Variants in TMEM68 observed in about 807,000 individuals in gnomAD.
The protein encoded by TMEM68 is DGAT1/2-independent enzyme synthesizing storage lipids.
TMEM68 carries 25 observed loss-of-function variants against 36.9 expected under a neutral mutation model. The observed-to-expected ratio is 0.68, with a 90% CI of 0.49 to 0.95. The LOEUF is 0.95. TMEM68 is among the 40% of genes least tolerant of loss of function. The pLI is 0.00. For missense variants in TMEM68, 333 were observed against 392.0 expected (o/e 0.85, Z 1.27); for synonymous variants, 131 against 124.4 (o/e 1.05, Z -0.35).
At chr8:55,758,079 G>A (rs754615029) in intron 3 of TMEM68, among the ~76,000 whole-genome samples, 5 of 152,154 alleles carry the variant, frequency 3.3e-5, no homozygotes, top group Non-Finnish European at 7.3e-5. Flanking sequence ...TCCTGGGGTC[G>A]CAGGAGGGGC....
chr8:55,749,229 G>A (rs577594769), intron 5 of TMEM68, among the ~76,000 whole-genome samples: 8 of 152,138 alleles, frequency 5.3e-5, no homozygotes, highest in African/African-American at 1.9e-4. Flanking sequence ...AAACCAGGGT[G>A]ATTTGTATTA....
intron 1 of TMEM68, among the ~76,000 whole-genome samples, chr8:55,769,018 TAAAAA>T (rs200493179): frequency 2.9e-4 from 24 of 82,090 alleles, no homozygotes; most frequent in East Asian, 2.8e-3. Flanking sequence ...ACTCTGTCTT[TAAAAA>T]AAAAAAAAAA....
intron 3 of TMEM68, among the ~76,000 whole-genome samples, chr8:55,759,298 C>T (rs1002728010): frequency 6.6e-6 from 1 of 151,138 alleles, no homozygotes; most frequent in African/African-American, 2.4e-5. Flanking sequence ...AGTCCGGGCA[C>T]AGTGGCTCGT....
At chr8:55,759,257 C>A (rs374323468) in intron 3 of TMEM68, among the ~76,000 whole-genome samples, 1,183 of 121,572 alleles carry the variant, frequency 9.7e-3, no homozygotes, top group African/African-American at 0.013. Context: ...CCTGTCTCTA[C>A]AAAAAAAAAA....
chr8:55,761,776 C>A (rs1369399110), intron 3 of TMEM68: 1 of 152,188 alleles, frequency 6.6e-6, no homozygotes, highest in Admixed American at 6.5e-5. Flanking sequence ...CTGCTAATAG[C>A]AGCCTAATAG....
intron 4 of TMEM68, among the ~76,000 whole-genome samples, chr8:55,754,899 A>ATATAG (rs1491421076): frequency 3.1e-5 from 4 of 128,122 alleles, no homozygotes; most frequent in African/African-American, 1.2e-4. Context: ...TATATAAAAT[A>ATATAG]CATATATTAT....
intron 3 of TMEM68, among the ~76,000 whole-genome samples, chr8:55,759,700 G>A (rs1810724532): frequency 6.6e-6 from 1 of 152,068 alleles, no homozygotes; most frequent in African/African-American, 2.4e-5. Context: ...TCATAATGCT[G>A]TAAACTTTAA....
At chr8:55,754,565 T>C (rs1470005927) in intron 4 of TMEM68, among the ~76,000 whole-genome samples, 1 of 138,796 alleles carries the variant, frequency 7.2e-6, no homozygotes, top group African/African-American at 2.7e-5. Context: ...ATACATATTA[T>C]ATATTTATAT....
chr8:55,746,342 G>C (rs369248664), intron 5 of TMEM68: 1 of 52,656 alleles, frequency 1.9e-5, no homozygotes. Flanking sequence ...AAAAAAAAAA[G>C]AATTCTCCAT....
intron 6 of TMEM68, among the ~76,000 whole-genome samples, chr8:55,744,855 G>GTGTATA (rs1247664230): frequency 1.3e-5 from 2 of 152,180 alleles, no homozygotes; most frequent in Non-Finnish European, 2.9e-5. Flanking sequence ...GAACTTCAGT[G>GTGTATA]TGTATATGTA....
chr8:55,753,228 C>T (rs1047826122), intron 4 of TMEM68, among the ~76,000 whole-genome samples: 1 of 151,910 alleles, frequency 6.6e-6, no homozygotes, highest in African/African-American at 2.4e-5. Context: ...AAAGTAGAAG[C>T]AACCTAATGC....
In TMEM68 at chr8:55,756,343, C is replaced by T; in HGVS notation, c.394G>A (p.Ala132Thr). 6.2e-7 allele frequency: 1 copy of T among 1,604,516 alleles called. No individual in the cohort carries two copies. Among genetic ancestry groups the T allele is most frequent in the Non-Finnish European group, 8.5e-7 (1 of 1,176,834 alleles). The change falls in exon 4 of 8, where the codon GCT becomes ACT. Residue 132 changes from alanine (A) to threonine (T), a missense_variant. Ala to Thr is a moderately conservative substitution (Grantham distance 58). Coordinates refer to ENST00000434581, the MANE Select transcript of TMEM68 (RefSeq NM_001286657.2). ...AAATAGTAAAAATCTATAGGAATAG[C>T]TCCATGATAAAAAATTATAAGTGCT... The part of the protein sequence containing the change: ...GPALIIFYHG[A>T]IPIDFYYFMA...
At chr8:55,754,322 G>C (rs963405295) in intron 4 of TMEM68, among the ~76,000 whole-genome samples, 6 of 150,910 alleles carry the variant, frequency 4.0e-5, no homozygotes, top group African/African-American at 1.5e-4. Context: ...CTACTTGGGA[G>C]GCTGAGGTAC....
At chr8:55,744,087 G>A (rs1186320499) in intron 6 of TMEM68, among the ~76,000 whole-genome samples, 2 of 151,470 alleles carry the variant, frequency 1.3e-5, no homozygotes, top group Non-Finnish European at 1.5e-5. Context: ...TCACAAATAA[G>A]TAACTTAGAT....
At chr8:55,750,402 A>G (rs1391041034) in intron 5 of TMEM68, among the ~76,000 whole-genome samples, 1 of 152,218 alleles carries the variant, frequency 6.6e-6, no homozygotes, top group Admixed American at 6.5e-5. Flanking sequence ...AATTAAAATA[A>G]ACAGAAAACG....
chr8:55,741,502 C>T (rs11986852), intron 7 of TMEM68, among the ~76,000 whole-genome samples: 1 of 152,054 alleles, frequency 6.6e-6, no homozygotes, highest in Non-Finnish European at 1.5e-5. Context: ...TAACTTAAAA[C>T]GAAGAATCAA....
intron 4 of TMEM68, among the ~76,000 whole-genome samples, chr8:55,754,637 A>G (rs13264953): frequency 1.9e-4 from 24 of 129,694 alleles, no homozygotes; most frequent in African/African-American, 6.6e-4. Context: ...CATACATTAT[A>G]TAATATATAT....
At chr8:55,768,174 T>C (rs1284802838) in intron 1 of TMEM68, among the ~76,000 whole-genome samples, 2 of 151,582 alleles carry the variant, frequency 1.3e-5, no homozygotes, top group Non-Finnish European at 2.9e-5. Context: ...AATTGATCAC[T>C]GGATTTTACA....
intron 1 of TMEM68, among the ~76,000 whole-genome samples, chr8:55,770,583 A>AG (rs1244316963): frequency 6.6e-6 from 1 of 152,092 alleles, no homozygotes; most frequent in Non-Finnish European, 1.5e-5. Flanking sequence ...CCAAGGCAGG[A>AG]GGACTGCTTG....
Sources: allele counts gnomAD v4.1 joint callset (sites outside exome capture counted in the v4.1 genomes callset), GRCh38; gene constraint gnomAD v4.1.1; transcripts MANE v1.5; gene names NCBI Gene and HGNC (gene_info 2026-07-23, HGNC 2026-07-21).